Variants in HR observed in about 807,000 individuals in gnomAD.
The protein encoded by HR is HR lysine demethylase and nuclear receptor corepressor.
HR carries 83 observed loss-of-function variants against 128.6 expected under a neutral mutation model. The observed-to-expected ratio is 0.65, with a 90% CI of 0.54 to 0.77. The LOEUF (loss-of-function observed/expected upper bound fraction) is 0.77, where lower values mean the gene tolerates loss of function less well. HR is among the 30% of genes least tolerant of loss of function. The pLI is 0.00. For missense variants in HR, 1,490 were observed against 1,574.6 expected (o/e 0.95, Z 0.91); for synonymous variants, 681 against 658.2 (o/e 1.03, Z -0.53).
At position 22,128,966 on chromosome 8, in the gene HR, G is replaced by C; in HGVS notation, c.205C>G (p.Pro69Ala). 1 of 1,613,386 alleles carries C rather than the reference G, an allele frequency of 6.2e-7. No homozygotes were observed. Among genetic ancestry groups the C allele is most frequent in the African/African-American group, 1.3e-5 (1 of 75,064 alleles). Residue 69 changes from proline (P) to alanine (A), a missense_variant, in exon 2 of 19, where the codon CCC becomes GCC. By Grantham distance (27) the Pro-to-Ala change is conservative (BLOSUM62 -1). Coordinates refer to ENST00000381418, the MANE Select transcript of HR (RefSeq NM_005144.5). ...TCCACAAGTGGGAGCATGTCCTTGG[G>C]GCCCTGGGGGAAGCCAGGGGGAAGC... ...SWLPPGFPQG[P>A]KDMLPLVEGE... is the part of the protein sequence containing the mutation.
chr8:22,118,840 T>A (rs1009815725), intron 16 of HR, 110 bp downstream of exon 16: 14 of 907,032 alleles, frequency 1.5e-5, no homozygotes, highest in Non-Finnish European at 2.3e-5. Context: ...GCAGCTCACC[T>A]GAGGGCGTGG....
chr8:22,127,221 C>T lies in HR; in HGVS notation c.1221G>A (p.Arg407=), dbSNP rs779935713. ...CPEVEERPVA[R]LRALKRAGSP... The stretch of plus-strand genomic sequence containing the variant: ...TGCCTGCCCTTTTGAGGGCCCGGAG[C>T]CGAGCAACCGGCCTCTCCTCGACCT... The change falls in exon 3 of 19, where the codon CGG becomes CGA. Residue 407 remains arginine (R), a synonymous_variant. Transcript: ENST00000381418. 1 of 1,613,024 alleles carries T rather than the reference C, an allele frequency of 6.2e-7. No individual in the cohort carries two copies. The highest frequency in any genetic ancestry group is 1.7e-5 in the Admixed American group (1 of 60,030).
intron 8 of HR, among the ~76,000 whole-genome samples, chr8:22,122,144 G>A (rs1034323994): frequency 1.3e-5 from 2 of 152,164 alleles, no homozygotes; most frequent in African/African-American, 2.4e-5. Flanking sequence ...GTTAGGTGCC[G>A]GGATACTGAG....
At position 22,120,509 on chromosome 8, in the gene HR, T is replaced by C. The variant is rs1826714897; in HGVS notation, c.2611-2A>G. ...TTGGATCCCTGACACCAACACAGGCTGTGGTGGGAAAGGAAGGAGGCCATG... is the reference window on the plus strand; with the variant it reads ...TTGGATCCCTGACACCAACACAGGCCGTGGTGGGAAAGGAAGGAGGCCATG... On this transcript the variant is annotated splice_acceptor_variant, in intron 11 of 18. Transcript: ENST00000381418. LOFTEE classifies it high-confidence loss of function. The C allele has an allele frequency of 1.2e-6, 2 of 1,613,640 alleles. No individual in the cohort carries two copies. Among genetic ancestry groups the C allele is most frequent in the Non-Finnish European group, 8.5e-7 (1 of 1,179,994 alleles).
intron 13 of HR, 35 bp downstream of exon 13, chr8:22,120,069 G>C: frequency 6.4e-7 from 1 of 1,570,404 alleles, no homozygotes; most frequent in Non-Finnish European, 8.6e-7. Context: ...CTGCGGTGGC[G>C]GGGAGGTAGG....
At chr8:22,124,488 C>A (rs910529400) in intron 5 of HR, among the ~76,000 whole-genome samples, 1 of 152,230 alleles carries the variant, frequency 6.6e-6, no homozygotes, top group African/African-American at 2.4e-5. Flanking sequence ...AACGCCTTGC[C>A]TTTGGGTGCA....
At chr8:22,128,463 C>T (rs1826958671) in intron 2 of HR, 96 bp downstream of exon 2, 2 of 1,533,070 alleles carry the variant, frequency 1.3e-6, no homozygotes, top group Non-Finnish European at 1.8e-6. Context: ...CTCGGTGCTG[C>T]CTTCTCTTTT....
rs370435914 is a variant in HR, at chr8:22,128,456, G to A, written c.612+103C>T. The A allele has an allele frequency of 1.2e-4, 183 of 1,494,108 alleles. 1 individual carries two copies. The highest frequency in any genetic ancestry group is 1.7e-4 in the Middle Eastern group (1 of 5,916). 92.6% of individuals were successfully genotyped at this position (1,494,108 alleles called of 1,614,324 possible). On this transcript the variant is annotated intron_variant, in intron 2 of 18. Transcript: ENST00000381418. ...CCAAGCTGATAGACCCCTCTACCTCGGTGCTGCCTTCTCTTTTCATCACAG... is the reference window on the plus strand; with the variant it reads ...CCAAGCTGATAGACCCCTCTACCTCAGTGCTGCCTTCTCTTTTCATCACAG...
chr8:22,115,002 T>A lies in HR; in HGVS notation c.*698A>T, dbSNP rs555148083. 1 of 154,022 alleles carries A rather than the reference T, an allele frequency of 6.5e-6. No homozygotes were observed. Among genetic ancestry groups the A allele is most frequent in the African/African-American group, 2.4e-5 (1 of 41,592 alleles). The allele number at this position is 154,022 out of a possible 1,614,324, so 9.5% of individuals were successfully genotyped here. On this transcript the variant is annotated 3_prime_UTR_variant, in exon 19 of 19. Coordinates refer to ENST00000381418, the MANE Select transcript of HR (RefSeq NM_005144.5). ...ACTCCATTTGTCTCTAAGGCAGATT[T>A]CCATGTCCCCCTCCCTCCCTGGACC...
chr8:22,121,648 T>C lies in HR; in HGVS notation c.2168A>G (p.Asn723Ser). The change falls in exon 9 of 19, where the codon AAT becomes AGT. Residue 723 changes from asparagine (N) to serine (S), a missense_variant. Around this residue, in one of 3 missense-constraint regions of HR, gnomAD observed 1,060 missense variants for 1,060.9 expected, o/e 1.00. Transcript: ENST00000381418. ...KTPPTPQPSC[N>S]GDTHRTKSIK... Reference sequence around the variant, plus strand: ...GCTCTTGGTCCTGTGGGTGTCGCCATTGCAGGAAGGTTGTGGAGTTGGGGG... The same window carrying C: ...GCTCTTGGTCCTGTGGGTGTCGCCACTGCAGGAAGGTTGTGGAGTTGGGGG... The C allele has an allele frequency of 1.9e-6, 3 of 1,614,128 alleles. No homozygotes were observed. Among genetic ancestry groups the C allele is most frequent in the African/African-American group, 1.3e-5 (1 of 75,028 alleles).
intron 1 of HR, 114 bp from the exon 2 acceptor site, chr8:22,129,324 G>T: frequency 1.3e-6 from 1 of 794,000 alleles, no homozygotes; most frequent in Non-Finnish European, 1.9e-6. Flanking sequence ...AACCAGTAAG[G>T]CAAGTGCCAG....
Position 22,116,235 on chromosome 8 carries a change from C to G in HR, c.3507+65G>C. The G allele has an allele frequency of 6.2e-7, 1 of 1,609,058 alleles. No individual in the cohort carries two copies. Among genetic ancestry groups the G allele is most frequent in the Non-Finnish European group, 8.5e-7 (1 of 1,178,120 alleles). On this transcript the variant is annotated intron_variant, in intron 18 of 18. Coordinates refer to ENST00000381418, the MANE Select transcript of HR (RefSeq NM_005144.5). The surrounding 1 kb of genome is among the most constrained non-coding windows in gnomAD (Gnocchi z 4.2). The stretch of plus-strand genomic sequence containing the variant: ...GTGGGATCTGCTATGTCCACTGCAG[C>G]TGTGGCACAGGGAGGTGGGAGGCTT...
At chr8:22,117,852 T>A (rs1475073115) in intron 16 of HR, 4 of 152,352 alleles carry the variant, frequency 2.6e-5, no homozygotes, top group Non-Finnish European at 5.9e-5. Context: ...GGAAGGCTGG[T>A]GAAGCAAATT....
rs376884600 is a variant in HR, at chr8:22,129,015, G to A, written c.156C>T (p.Gly52=). ...GCCAGGAGTCTGGGGTGCTCAGGAC[G>A]CCCCTCCAAAAGGGAGCAGGCTCTC... The part of the protein sequence containing the change: ...CLGEPAPFWR[G]VLSTPDSWLP... The change falls in exon 2 of 19, where the codon GGC becomes GGT. Residue 52 remains glycine (G), a synonymous_variant. Transcript: ENST00000381418. The A allele has an allele frequency of 5.6e-6, 9 of 1,611,060 alleles. No homozygotes were observed. Among genetic ancestry groups the A allele is most frequent in the Non-Finnish European group, 6.8e-6 (8 of 1,178,684 alleles).
rs1170373935 is a variant in HR, at chr8:22,128,798, C to T, written c.373G>A (p.Glu125Lys). Residue 125 changes from glutamate (E) to lysine (K), a missense_variant, in exon 2 of 19, where the codon GAG (glutamate) becomes AAG (lysine). Around this residue, in one of 3 missense-constraint regions of HR, gnomAD observed 1,060 missense variants for 1,060.9 expected, o/e 1.00. Transcript: ENST00000381418. Reference sequence around the variant, plus strand: ...CTCTTGAGATGGCCACCACTATGCTCAGGCATCAGGGGGCCACAGCGAGGT... The same window carrying T: ...CTCTTGAGATGGCCACCACTATGCTTAGGCATCAGGGGGCCACAGCGAGGT... The part of the protein sequence containing the change: ...CPPRCGPLMP[E>K]HSGGHLKSDP... 1 of 1,612,376 alleles carries T rather than the reference C, an allele frequency of 6.2e-7. No individual in the cohort carries two copies. Among genetic ancestry groups the T allele is most frequent in the Admixed American group, 1.7e-5 (1 of 59,814 alleles).
rs780450591 is a variant in HR, at chr8:22,120,922, C to T, written c.2404G>A (p.Ala802Thr). 3.4e-5 allele frequency: 53 copies of T among 1,571,010 alleles called. 1 individual carries two copies. In the Middle Eastern group the frequency reaches 1.0e-3, roughly 30 times the overall value. Reference sequence around the variant, plus strand: ...TGGATCTTCCGTTCCACCACCTGTGCGATAATGCTGTCCAGGATGTTGGTG... The same window carrying T: ...TGGATCTTCCGTTCCACCACCTGTGTGATAATGCTGTCCAGGATGTTGGTG... ...RITNILDSII[A>T]QVVERKIQEK... Residue 802 changes from alanine to threonine, a missense_variant, in exon 11 of 19, where the codon GCA (alanine) becomes ACA (threonine). Ala to Thr is a moderately conservative substitution (Grantham distance 58). Coordinates refer to ENST00000381418, the MANE Select transcript of HR (RefSeq NM_005144.5).
At chr8:22,117,829 G>T in intron 16 of HR, 1 of 152,570 alleles carries the variant, frequency 6.6e-6, no homozygotes. Flanking sequence ...TGCAAGATGG[G>T]GCGTGGGGGA....
chr8:22,126,174 G>A (rs1477728895), intron 3 of HR, among the ~76,000 whole-genome samples: 1 of 152,254 alleles, frequency 6.6e-6, no homozygotes, highest in East Asian at 1.9e-4. Flanking sequence ...GGCCACAGGT[G>A]CAGTAACCCA....
chr8:22,128,800 G>A lies in HR; in HGVS notation c.371C>T (p.Pro124Leu). The A allele has an allele frequency of 6.2e-7, 1 of 1,612,536 alleles. No homozygotes were observed. Residue 124 changes from proline to leucine, a missense_variant, in exon 2 of 19, where the codon CCT (proline) becomes CTT (leucine). Transcript: ENST00000381418. ...ACPPRCGPLM[P>L]EHSGGHLKSD... Reference sequence around the variant, plus strand: ...CTTGAGATGGCCACCACTATGCTCAGGCATCAGGGGGCCACAGCGAGGTGG... The same window carrying A: ...CTTGAGATGGCCACCACTATGCTCAAGCATCAGGGGGCCACAGCGAGGTGG...
Sources: allele counts gnomAD v4.1 joint callset (sites outside exome capture counted in the v4.1 genomes callset), GRCh38; gene constraint gnomAD v4.1.1; regional missense constraint gnomAD v4.1.1; non-coding constraint Gnocchi (gnomAD v3.1); transcripts MANE v1.5; gene names NCBI Gene and HGNC (gene_info 2026-07-23, HGNC 2026-07-21).